The following CR2 variants were observed in gnomAD, a reference collection of about 807,000 sequenced individuals.
The protein encoded by CR2 is complement receptor type 2.
CR2 carries 96 observed loss-of-function variants against 123.0 expected under a neutral mutation model. The ratio of observed to expected loss-of-function variants is 0.78; its 90% CI spans 0.66 to 0.93. CR2 has a LOEUF of 0.93. CR2 is among the 40% of genes least tolerant of loss of function. The pLI, the probability that CR2 is intolerant of heterozygous loss-of-function variation, is 0.00. For synonymous variants in CR2, 484 were observed against 469.5 expected (o/e 1.03, Z -0.40); for missense variants, 1,258 against 1,361.0 (o/e 0.92, Z 1.19).
At position 207,469,934 on chromosome 1, in the gene CR2, C is replaced by T. The variant is rs1227210842; in HGVS notation, c.1057C>T (p.His353Tyr). ...ELSTSAVQCP[H>Y]PQILRGRMVS... is the part of the protein sequence containing the mutation. ...TTCTACTTCTGCGGTTCAGTGTCCA[C>T]ATCCCCAGATCCTAAGAGGCCGAAT... The change falls in exon 6 of 20, where the codon CAT becomes TAT. Residue 353 changes from histidine to tyrosine, a missense_variant. Coordinates refer to ENST00000367057, the MANE Select transcript of CR2 (RefSeq NM_001006658.3). The T allele has an allele frequency of 6.2e-7, 1 of 1,614,014 alleles. No homozygotes were observed. Among genetic ancestry groups the T allele is most frequent in the Non-Finnish European group, 8.5e-7 (1 of 1,179,940 alleles).
rs17045468 is a variant in CR2, at chr1:207,484,030, C to T, written c.3189-1434C>T. On this transcript the variant is annotated intron_variant, in intron 18 of 19. Coordinates refer to ENST00000367057, the MANE Select transcript of CR2 (RefSeq NM_001006658.3). Reference sequence around the variant, plus strand: ...GGGTCTCAAAAAAAATTAGGGATGTCATTTGCAGGGCCTTCCTCATAGGAA... The same window carrying T: ...GGGTCTCAAAAAAAATTAGGGATGTTATTTGCAGGGCCTTCCTCATAGGAA... 0.026 allele frequency among the ~76,000 whole-genome samples: 3,979 copies of T among 152,144 alleles called. 322 individuals carry two copies. In the East Asian group the frequency reaches 0.3, roughly 12 times the overall value.
chr1:207,471,085 AG>A lies in CR2; in HGVS notation c.1493+1del. ...CAGATGTCAACTCTTCTTGTGGTGA[AG>A]GGTGAGTGAAGGCTGACTTAGTCTG... ...RPDVNSSCGE[G>X]YKLSGSVYQE... On this transcript the variant is annotated frameshift_variant and splice_region_variant, in exon 8 of 20. Coordinates refer to ENST00000367057, the MANE Select transcript of CR2 (RefSeq NM_001006658.3). LOFTEE classifies it high-confidence loss of function. 1 of 1,613,544 alleles carries A rather than the reference AG, an allele frequency of 6.2e-7. No individual in the cohort carries two copies. The highest frequency in any genetic ancestry group is 8.5e-7 in the Non-Finnish European group (1 of 1,179,786).
chr1:207,484,158 T>C (rs1310563415), intron 18 of CR2, among the ~76,000 whole-genome samples: 2 of 152,228 alleles, frequency 1.3e-5, no homozygotes, highest in African/African-American at 4.8e-5. Flanking sequence ...ATCAGAGCAC[T>C]GCATGTGTAT....
intron 16 of CR2, among the ~76,000 whole-genome samples, chr1:207,478,298 G>A (rs1658499047): frequency 6.6e-6 from 1 of 151,936 alleles, no homozygotes; most frequent in Non-Finnish European, 1.5e-5. Flanking sequence ...TGAGGCAGGA[G>A]GATTGCTTGA....
rs1256350974 is a variant in CR2 at position 207,468,598 on chromosome 1, A to G, written c.517A>G (p.Ile173Val). The part of the protein sequence containing the change: ...GHHTSENVGS[I>V]APGLSVTYSC... Reference sequence around the variant, plus strand: ...TCACACAAGTGAGAATGTTGGCTCCATTGCTCCAGGATTGTCTGTGACTTA... The same window carrying G: ...TCACACAAGTGAGAATGTTGGCTCCGTTGCTCCAGGATTGTCTGTGACTTA... Residue 173 changes from isoleucine (I) to valine (V), a missense_variant, in exon 3 of 20, where the codon ATT becomes GTT. Transcript: ENST00000367057. The G allele has an allele frequency of 9.3e-6, 15 of 1,614,012 alleles. No individual in the cohort carries two copies. Among genetic ancestry groups the G allele is most frequent in the Non-Finnish European group, 1.2e-5 (14 of 1,179,970 alleles).
intron 13 of CR2, 29 bp downstream of exon 13, chr1:207,474,352 A>G (rs1260467588): frequency 8.7e-6 from 13 of 1,495,194 alleles, no homozygotes; most frequent in Non-Finnish European, 1.2e-5. Context: ...AAGCCTGACA[A>G]TGGTAATGGA....
In CR2 at chr1:207,469,991, A is replaced by G; in HGVS notation, c.1114A>G (p.Asn372Asp). 6.2e-7 allele frequency: 1 copy of G among 1,614,048 alleles called. No individual in the cohort carries two copies. Among genetic ancestry groups the G allele is most frequent in the Non-Finnish European group, 8.5e-7 (1 of 1,179,934 alleles). Residue 372 changes from asparagine to aspartate, a missense_variant, in exon 6 of 20, where the codon AAC (asparagine) becomes GAC (aspartate). Transcript: ENST00000367057. ...TGGGCAGAAAGATCGATATACCTAT[A>G]ACGACACTGTGATATTTGCTTGCAT... ...VSGQKDRYTY[N>D]DTVIFACMFG...
At position 207,485,586 on chromosome 1, in the gene CR2, TG is replaced by T. The variant is rs747093965; in HGVS notation, c.*18+16del. 4.4e-6 allele frequency: 6 copies of T among 1,377,150 alleles called. No individual in the cohort carries two copies. The highest frequency in any genetic ancestry group is 3.4e-5 in the Admixed American group (2 of 59,666). 85.3% of individuals were successfully genotyped at this position (1,377,150 alleles called of 1,614,324 possible). On this transcript the variant is annotated intron_variant, in intron 19 of 19. Coordinates refer to ENST00000367057, the MANE Select transcript of CR2 (RefSeq NM_001006658.3). ...GACAAACTGGTGGTATGTAATGAAATGGAATATTATTAATTTACATATAAAA... is the reference window on the plus strand; with the variant it reads ...GACAAACTGGTGGTATGTAATGAAATGAATATTATTAATTTACATATAAAA...
intron 19 of CR2, among the ~76,000 whole-genome samples, chr1:207,488,132 A>T (rs1658797200): frequency 6.6e-6 from 1 of 152,146 alleles, no homozygotes; most frequent in Non-Finnish European, 1.5e-5. Flanking sequence ...CTGTCCGGGG[A>T]TTATGTGACA....
chr1:207,476,595 T>A (rs755535871), intron 15 of CR2, among the ~76,000 whole-genome samples, 176 bp downstream of exon 15: 1 of 152,208 alleles, frequency 6.6e-6, no homozygotes, highest in Non-Finnish European at 1.5e-5. Context: ...AAAAAATGTC[T>A]CAGGCTGTAG....
At chr1:207,464,165 G>A (rs1005941426) in intron 1 of CR2, among the ~76,000 whole-genome samples, 1 of 152,098 alleles carries the variant, frequency 6.6e-6, no homozygotes, top group African/African-American at 2.4e-5. Flanking sequence ...TCTGGGGCGG[G>A]GACTGGTGAC....
intron 9 of CR2, 58 bp downstream of exon 9, chr1:207,471,557 G>T (rs1658282847): frequency 7.8e-7 from 1 of 1,279,650 alleles, no homozygotes; most frequent in Non-Finnish European, 1.1e-6. Context: ...CATTTCCTGG[G>T]AGATTTTTGT....
chr1:207,468,921 G>T, intron 4 of CR2, 22 bp downstream of exon 4: 2 of 1,609,018 alleles, frequency 1.2e-6, no homozygotes, highest in South Asian at 2.2e-5. Flanking sequence ...GATTATTTAT[G>T]AGATTTAATT....
At chr1:207,486,577 G>A (rs925405848) in intron 19 of CR2, among the ~76,000 whole-genome samples, 14 of 151,852 alleles carry the variant, frequency 9.2e-5, no homozygotes, top group African/African-American at 3.4e-4. Flanking sequence ...GCTGTGTTAA[G>A]AACAGACTGT....
At chr1:207,484,656 T>G (rs933239870) in intron 18 of CR2, among the ~76,000 whole-genome samples, 3 of 152,222 alleles carry the variant, frequency 2.0e-5, no homozygotes, top group Non-Finnish European at 1.5e-5. Context: ...GCAGTATTCT[T>G]TCTTCCCCAG....
intron 2 of CR2, 123 bp downstream of exon 2, chr1:207,467,035 A>G (rs1658121198): frequency 8.2e-7 from 1 of 1,224,884 alleles, no homozygotes; most frequent in South Asian, 1.8e-5. Context: ...GAAGAAGGAA[A>G]CAAGGGAAAA....
rs1164844156 is a variant in CR2, at chr1:207,466,595, T to G, written c.128T>G (p.Val43Gly). 1 of 1,614,084 alleles carries G rather than the reference T, an allele frequency of 6.2e-7. No homozygotes were observed. Among genetic ancestry groups the G allele is most frequent in the South Asian group, 1.1e-5 (1 of 91,080 alleles). Residue 43 changes from valine (V) to glycine (G), a missense_variant, in exon 2 of 20, where the codon GTT becomes GGT. Physicochemically the swap from Val to Gly is moderately radical, Grantham distance 109. Transcript: ENST00000367057. Reference sequence around the variant, plus strand: ...AGTTATTATTCTACCCCCATTGCTGTTGGTACCGTGATAAGGTACAGTTGT... The same window carrying G: ...AGTTATTATTCTACCCCCATTGCTGGTGGTACCGTGATAAGGTACAGTTGT... The part of the protein sequence containing the change: ...RISYYSTPIA[V>G]GTVIRYSCSG...
At chr1:207,476,129 T>C in intron 14 of CR2, 105 bp from the exon 15 acceptor site, 1 of 1,043,356 alleles carries the variant, frequency 9.6e-7, no homozygotes, top group Non-Finnish European at 1.5e-6. Context: ...TACCAGTTAG[T>C]TGGCTTGTTG....
At position 207,466,653 on chromosome 1, in the gene CR2, T is replaced by G; in HGVS notation, c.186T>G (p.Ser62Arg). The G allele has an allele frequency of 6.2e-7, 1 of 1,614,102 alleles. No homozygotes were observed. Residue 62 changes from serine to arginine, a missense_variant, in exon 2 of 20, where the codon AGT (serine) becomes AGG (arginine). Transcript: ENST00000367057. ...SGTFRLIGEK[S>R]LLCITKDKVD... The stretch of plus-strand genomic sequence containing the variant: ...CCTTCCGCCTCATTGGAGAAAAAAG[T>G]CTATTATGCATAACTAAAGACAAAG...
Sources: gnomAD v4.1 joint callset for allele counts (sites outside exome capture counted in the v4.1 genomes callset) on GRCh38, gnomAD v4.1.1 for gene constraint, MANE v1.5 for transcripts, NCBI Gene and HGNC (gene_info 2026-07-23, HGNC 2026-07-21) for gene names.